Variants in MDFIC observed in about 807,000 individuals in gnomAD.
The protein encoded by MDFIC is myoD family inhibitor domain-containing protein.
A neutral mutation model predicts 23.2 loss-of-function variants in MDFIC; 17 were observed. The observed-to-expected ratio is 0.73, with a 90% CI of 0.50 to 1.10. MDFIC has a LOEUF of 1.10. Ranked by LOEUF, MDFIC falls within the 50% of genes least tolerant of loss-of-function variation. The pLI, the probability that MDFIC is intolerant of heterozygous loss-of-function variation, is 0.00. For missense variants in MDFIC, 356 were observed against 316.6 expected (o/e 1.12, Z -0.95); for synonymous variants, 120 against 115.2 (o/e 1.04, Z -0.27).
At chr7:114,984,188 G>A (rs1054842419) in intron 4 of MDFIC, among the ~76,000 whole-genome samples, 1 of 152,082 alleles carries the variant, frequency 6.6e-6, no homozygotes, top group African/African-American at 2.4e-5. Flanking sequence ...GGCCAAGCAG[G>A]GATCTTCTTC....
intron 3 of MDFIC, among the ~76,000 whole-genome samples, chr7:114,973,103 A>ATATATATATATATATATGAATATGTGTG (rs1793241003): frequency 8.6e-6 from 1 of 116,166 alleles, no homozygotes. Flanking sequence ...GTGTGTGTGT[A>ATATATATATATATATATGAATATGTGTG]TATATATATA....
rs966144760 is a variant in MDFIC at position 115,017,199 on chromosome 7, A to G, written c.*1264A>G. 3 of 152,220 alleles carry G rather than the reference A, an allele frequency of 2.0e-5. No homozygotes were observed. The highest frequency in any genetic ancestry group is 4.8e-5 in the African/African-American group (2 of 41,470). The allele number at this position is 152,220 out of a possible 1,614,324, so 9.4% of individuals were successfully genotyped here. Reference sequence around the variant, plus strand: ...AGGAATACAGCTTTTTGAAAAAGCTATAAAGTTTAAATTAACTAAAAATAT... The same window carrying G: ...AGGAATACAGCTTTTTGAAAAAGCTGTAAAGTTTAAATTAACTAAAAATAT... On this transcript the variant is annotated 3_prime_UTR_variant, in exon 5 of 5. Transcript: ENST00000393486.
chr7:114,991,908 G>A (rs537549522), intron 4 of MDFIC, among the ~76,000 whole-genome samples: 47 of 152,302 alleles, frequency 3.1e-4, no homozygotes, highest in Admixed American at 5.9e-4. Flanking sequence ...TAGCTTGATG[G>A]GGATGGCATT....
chr7:114,961,362 G>A (rs371797650), intron 3 of MDFIC, among the ~76,000 whole-genome samples: 1 of 152,130 alleles, frequency 6.6e-6, no homozygotes, highest in African/African-American at 2.4e-5. Flanking sequence ...ACCTCCTCCT[G>A]GTTGCCATTG....
intron 4 of MDFIC, among the ~76,000 whole-genome samples, chr7:114,989,920 A>T (rs1585115489): frequency 6.6e-6 from 1 of 152,134 alleles, no homozygotes; most frequent in Non-Finnish European, 1.5e-5. Context: ...AATTGATTAA[A>T]ATCGATAGCA....
chr7:114,956,162 G>C lies in MDFIC; in HGVS notation c.217+13765G>C, dbSNP rs544899984. On this transcript the variant is annotated intron_variant, in intron 3 of 4. Transcript: ENST00000393486. Reference sequence around the variant, plus strand: ...ACCTTATTCCAAGCTCCCAATTCTAGTCCACTTTCCTAGTTGAAAATTACT... The same window carrying C: ...ACCTTATTCCAAGCTCCCAATTCTACTCCACTTTCCTAGTTGAAAATTACT... Among the ~76,000 whole-genome samples, 3 of 152,210 alleles carry C rather than the reference G, an allele frequency of 2.0e-5. No individual in the cohort carries two copies. The East Asian group carries it at 5.8e-4, about 29-fold the overall frequency.
chr7:114,942,910 A>G (rs549600862), intron 3 of MDFIC, among the ~76,000 whole-genome samples: 60 of 152,210 alleles, frequency 3.9e-4, no homozygotes, highest in African/African-American at 1.4e-3. Context: ...ATGCCCTGCA[A>G]TACCTTGTCT....
At chr7:114,989,471 G>T (rs1219720838) in intron 4 of MDFIC, among the ~76,000 whole-genome samples, 2 of 152,138 alleles carry the variant, frequency 1.3e-5, no homozygotes, top group Non-Finnish European at 2.9e-5. Flanking sequence ...AACAATTTCA[G>T]TATGTTTACA....
intron 3 of MDFIC, among the ~76,000 whole-genome samples, chr7:114,955,659 T>A (rs1399490210): frequency 6.6e-6 from 1 of 152,204 alleles, no homozygotes; most frequent in East Asian, 1.9e-4. Flanking sequence ...TCTTTACCTT[T>A]TGACTACATT....
intron 4 of MDFIC, among the ~76,000 whole-genome samples, chr7:115,002,631 G>A (rs1791486923): frequency 6.6e-6 from 1 of 152,192 alleles, no homozygotes. Flanking sequence ...CTCAGGGGAA[G>A]AAGAGGCCAT....
chr7:114,946,677 C>T (rs1262901218), intron 3 of MDFIC, among the ~76,000 whole-genome samples: 1 of 152,182 alleles, frequency 6.6e-6, no homozygotes, highest in Non-Finnish European at 1.5e-5. Context: ...GAGTTTTTAG[C>T]TCTCATAATA....
chr7:114,996,527 T>G (rs1791334890), intron 4 of MDFIC, among the ~76,000 whole-genome samples: 1 of 152,060 alleles, frequency 6.6e-6, no homozygotes. Flanking sequence ...TCTGTACAAG[T>G]GGTGATGTGG....
intron 4 of MDFIC, among the ~76,000 whole-genome samples, chr7:114,984,170 C>A (rs1416399383): frequency 6.6e-6 from 1 of 152,148 alleles, no homozygotes; most frequent in Non-Finnish European, 1.5e-5. Context: ...AATGGTGTTA[C>A]AGCTGTGGGC....
chr7:114,939,658 G>T (rs1388231312), intron 2 of MDFIC, among the ~76,000 whole-genome samples: 10 of 152,122 alleles, frequency 6.6e-5, no homozygotes, highest in Non-Finnish European at 1.5e-4. Context: ...TTATTCAATG[G>T]AGAGTTGAGA....
intron 4 of MDFIC, among the ~76,000 whole-genome samples, chr7:114,983,646 C>A (rs1398197776): frequency 1.4e-5 from 2 of 140,134 alleles, no homozygotes; most frequent in African/African-American, 5.3e-5. Context: ...CGGCTCAATG[C>A]AACCTCTGCC....
intron 3 of MDFIC, among the ~76,000 whole-genome samples, chr7:114,953,792 A>T (rs1170117255): frequency 1.3e-5 from 2 of 152,228 alleles, no homozygotes; most frequent in Non-Finnish European, 1.5e-5. Flanking sequence ...ATCTTCTAAT[A>T]TACTTTAAAT....
intron 2 of MDFIC, among the ~76,000 whole-genome samples, chr7:114,925,025 T>TTAA (rs1248431371): frequency 1.3e-5 from 2 of 152,200 alleles, no homozygotes; most frequent in Non-Finnish European, 2.9e-5. Flanking sequence ...GAAGAATAGC[T>TTAA]TAATAATTCT....
chr7:115,006,537 A>G (rs1267479240), intron 4 of MDFIC, among the ~76,000 whole-genome samples: 1 of 152,190 alleles, frequency 6.6e-6, no homozygotes, highest in East Asian at 1.9e-4. Flanking sequence ...ATTTATTTTC[A>G]TTTGTTACTT....
At chr7:114,953,756 A>G (rs1026317576) in intron 3 of MDFIC, among the ~76,000 whole-genome samples, 10 of 152,224 alleles carry the variant, frequency 6.6e-5, no homozygotes, top group African/African-American at 2.4e-4. Context: ...ATAAAATGGC[A>G]TGGTATTTGC....
Sources: gnomAD v4.1 joint callset for allele counts (sites outside exome capture counted in the v4.1 genomes callset) on GRCh38, gnomAD v4.1.1 for gene constraint, MANE v1.5 for transcripts, NCBI Gene and HGNC (gene_info 2026-07-23, HGNC 2026-07-21) for gene names.